Variants in LGSN observed in about 807,000 individuals in gnomAD.
LGSN encodes lengsin.
Under a neutral mutation model 19.5 loss-of-function variants are expected in LGSN, and 21 were observed. The ratio of observed to expected loss-of-function variants is 1.07; its 90% confidence interval spans 0.76 to 1.55. The LOEUF is 1.55. LGSN is among the 40% of genes most tolerant of loss of function. LGSN has a pLI of 0.00. For synonymous variants in LGSN, 257 were observed against 215.6 expected, an observed-to-expected ratio of 1.19 and a Z score of -1.68; for missense variants, 673 against 608.5, an observed-to-expected ratio of 1.11 and a Z score of -1.12.
the LGSN span, among the ~76,000 whole-genome samples, chr6:63,465,326 AC>A: frequency 6.6e-6 from 1 of 151,634 alleles, no homozygotes; most frequent in African/African-American, 2.4e-5. Context: ...GATTACAGGC[AC>A]CCACCACCAC....
At chr6:63,355,592 TC>T in the LGSN span, among the ~76,000 whole-genome samples, 2 of 147,076 alleles carry the variant, frequency 1.4e-5, no homozygotes, top group South Asian at 2.1e-4. Flanking sequence ...TGGAGGAAAA[TC>T]TTTCCTGGCC....
the LGSN span, among the ~76,000 whole-genome samples, chr6:63,511,641 A>G: frequency 3.9e-5 from 6 of 152,214 alleles, no homozygotes; most frequent in Non-Finnish European, 8.8e-5. Context: ...TAGTTTACCT[A>G]GATGTTTTGG....
chr6:63,410,842 A>C, the LGSN span, among the ~76,000 whole-genome samples: 1 of 152,116 alleles, frequency 6.6e-6, no homozygotes, highest in Non-Finnish European at 1.5e-5. Flanking sequence ...AATCTTAATG[A>C]CCCCACATGC....
chr6:63,456,776 C>T, the LGSN span, among the ~76,000 whole-genome samples: 2 of 152,242 alleles, frequency 1.3e-5, no homozygotes, highest in South Asian at 2.1e-4. Flanking sequence ...CATTTTATAG[C>T]ACCCCCTTCA....
the LGSN span, among the ~76,000 whole-genome samples, chr6:63,444,764 A>C: frequency 2.9e-3 from 441 of 152,282 alleles, 3 homozygotes; most frequent in African/African-American, 0.01. Context: ...TTCTCAGTTA[A>C]ATCCCTGAGA....
At chr6:63,518,145 C>T in the LGSN span, among the ~76,000 whole-genome samples, 1 of 143,794 alleles carries the variant, frequency 7.0e-6, no homozygotes, top group Non-Finnish European at 1.5e-5. Context: ...CACAGTGAGA[C>T]TCCGTCTCCA....
chr6:63,455,523 G>C, the LGSN span, among the ~76,000 whole-genome samples: 2 of 152,176 alleles, frequency 1.3e-5, no homozygotes, highest in East Asian at 3.9e-4. Flanking sequence ...GGGAGGCCGA[G>C]GCGGATGGAT....
the LGSN span, among the ~76,000 whole-genome samples, chr6:63,435,908 TAAAAAAAA>T: frequency 7.2e-6 from 1 of 138,318 alleles, no homozygotes; most frequent in South Asian, 2.2e-4. Context: ...TCATCCAAAT[TAAAAAAAA>T]AAAAAAAAAA....
At chr6:63,507,135 G>T in the LGSN span, among the ~76,000 whole-genome samples, 1 of 152,178 alleles carries the variant, frequency 6.6e-6, no homozygotes, top group Non-Finnish European at 1.5e-5. Flanking sequence ...AACATTGCCT[G>T]CCTGGAGAGA....
rs1052125655 is a variant in LGSN, at chr6:63,276,124, G to A, written c.*3897C>T. The A allele has an allele frequency of 1.3e-5, 2 of 152,096 alleles. No individual in the cohort carries two copies. The highest frequency in any genetic ancestry group is 4.8e-5 in the African/African-American group (2 of 41,416). 9.4% of individuals were successfully genotyped at this position (152,096 alleles called of 1,614,324 possible). On this transcript the variant is annotated 3_prime_UTR_variant, in exon 4 of 4. Coordinates refer to ENST00000370657, the MANE Select transcript of LGSN (RefSeq NM_016571.3). ...CTTACCCCTGTCATAGAAAACCCAAGGTTAAAGGTATTGTCCAGTCATACC... is the reference window on the plus strand; with the variant it reads ...CTTACCCCTGTCATAGAAAACCCAAAGTTAAAGGTATTGTCCAGTCATACC...
the LGSN span, among the ~76,000 whole-genome samples, chr6:63,431,937 G>A: frequency 1.3e-4 from 20 of 151,622 alleles, 1 homozygote; most frequent in South Asian, 1.0e-3. Flanking sequence ...TTAGTTGGGC[G>A]TGGTGGTGGG....
chr6:63,440,239 G>T, the LGSN span, among the ~76,000 whole-genome samples: 2 of 152,276 alleles, frequency 1.3e-5, no homozygotes, highest in Admixed American at 1.3e-4. Flanking sequence ...TTTCCTGACT[G>T]ATTCTCCCTG....
At chr6:63,308,971 C>T (rs1768516147) in intron 1 of LGSN, among the ~76,000 whole-genome samples, 1 of 152,110 alleles carries the variant, frequency 6.6e-6, no homozygotes, top group Non-Finnish European at 1.5e-5. Context: ...ACCTATTAAC[C>T]TTGTATTCCT....
the LGSN span, among the ~76,000 whole-genome samples, chr6:63,335,478 A>G: frequency 1.3e-5 from 2 of 152,218 alleles, no homozygotes; most frequent in Non-Finnish European, 1.5e-5. Flanking sequence ...CAATAATGCC[A>G]TTAAAAAGTG....
chr6:63,331,322 C>G, the LGSN span, among the ~76,000 whole-genome samples: 1 of 152,252 alleles, frequency 6.6e-6, no homozygotes, highest in African/African-American at 2.4e-5. Context: ...CAGAAAAGAT[C>G]AAGCTGCAGG....
chr6:63,439,517 TA>T, the LGSN span, among the ~76,000 whole-genome samples: 93 of 146,158 alleles, frequency 6.4e-4, no homozygotes, highest in Non-Finnish European at 7.1e-4. Context: ...TCTGTCTCAT[TA>T]AAAAAAAAAA....
chr6:63,320,033 CT>C (rs766266176), upstream of LGSN: 14 of 975,624 alleles, frequency 1.4e-5, no homozygotes, highest in East Asian at 3.4e-4. Flanking sequence ...ACAACAAAGA[CT>C]GCAGATGATG....
At chr6:63,341,459 C>T in the LGSN span, among the ~76,000 whole-genome samples, 5 of 152,244 alleles carry the variant, frequency 3.3e-5, no homozygotes, top group African/African-American at 7.2e-5. Flanking sequence ...GGTGCTTGTC[C>T]GTCCTGTCTC....
chr6:63,469,007 CA>C, the LGSN span, among the ~76,000 whole-genome samples: 7 of 152,130 alleles, frequency 4.6e-5, no homozygotes, highest in Admixed American at 4.6e-4. Context: ...CTCAGCCTTC[CA>C]AAGTGCTGGG....
Sources: gnomAD v4.1 joint callset for allele counts (sites outside exome capture counted in the v4.1 genomes callset) on GRCh38, gnomAD v4.1.1 for gene constraint, MANE v1.5 for transcripts, NCBI Gene and HGNC (gene_info 2026-07-23, HGNC 2026-07-21) for gene names.